The following FAM117B variants were observed in gnomAD, a reference collection of about 807,000 sequenced individuals.
The protein encoded by FAM117B is family with sequence similarity 117 member B.
FAM117B carries 22 observed loss-of-function variants against 52.8 expected under a neutral mutation model. The observed-to-expected ratio is 0.42, with a 90% CI of 0.30 to 0.59. The LOEUF (loss-of-function observed/expected upper bound fraction) is 0.59. Ranked by LOEUF, FAM117B falls within the 20% of genes least tolerant of loss-of-function variation. The probability of loss-of-function intolerance (pLI) is 0.22; values close to 1 mark genes in which losing one functional copy is unlikely to be tolerated. For missense variants in FAM117B, 678 were observed against 802.6 expected, an observed-to-expected ratio of 0.84 and a Z score of 1.88; for synonymous variants, 309 against 324.1, an observed-to-expected ratio of 0.95 and a Z score of 0.50.
At chr2:202,665,665 A>G (rs564996070) in intron 1 of FAM117B, among the ~76,000 whole-genome samples, 10 of 152,150 alleles carry the variant, frequency 6.6e-5, no homozygotes, top group East Asian at 3.9e-4. Context: ...CAGTGGTGCA[A>G]TCTCGGCTCA....
chr2:202,679,288 T>C (rs942123952), intron 1 of FAM117B, among the ~76,000 whole-genome samples: 9 of 152,150 alleles, frequency 5.9e-5, no homozygotes, highest in African/African-American at 2.2e-4. Context: ...TAGATCACAC[T>C]GTAGGCAGGG....
intron 4 of FAM117B, among the ~76,000 whole-genome samples, chr2:202,751,793 A>T (rs2105797830): frequency 1.4e-5 from 2 of 144,262 alleles, no homozygotes; most frequent in African/African-American, 5.0e-5. Flanking sequence ...AAAAAAAAAA[A>T]ATAGGTTTTG....
rs900857557 is a variant in FAM117B, at chr2:202,768,871, T to G, written c.*3107T>G. 7.2e-5 allele frequency: 11 copies of G among 152,196 alleles called. No homozygotes were observed. Among genetic ancestry groups the G allele is most frequent in the African/African-American group, 2.7e-4 (11 of 41,452 alleles). 9.4% of individuals were successfully genotyped at this position (152,196 alleles called of 1,614,324 possible). A position where few individuals can be genotyped will look rare whatever the true frequency, so the allele number is the denominator to read the frequency against. On this transcript the variant is annotated 3_prime_UTR_variant, in exon 8 of 8. Coordinates refer to ENST00000392238, the MANE Select transcript of FAM117B (RefSeq NM_173511.4). ...AAAGGAGCTATTTGGTTATTCACTT[T>G]GTCAATCTTAGGTTTTTTTAAATCT...
chr2:202,662,252 G>T lies in FAM117B; in HGVS notation c.601+26464G>T, dbSNP rs79396599. On this transcript the variant is annotated intron_variant, in intron 1 of 7. Transcript: ENST00000392238. ...TTGTGGCAGCATGGGTGAATCTGGA[G>T]GATATTATTATATTAAGTGAAATAA... 2.7e-3 allele frequency among the ~76,000 whole-genome samples: 415 copies of T among 152,060 alleles called. 13 individuals carry two copies. The East Asian group carries it at 0.07, about 26-fold the overall frequency.
intron 1 of FAM117B, among the ~76,000 whole-genome samples, chr2:202,654,496 T>C (rs1032676587): frequency 6.6e-6 from 1 of 152,150 alleles, no homozygotes; most frequent in African/African-American, 2.4e-5. Context: ...AATCTTCCCA[T>C]TGGAAATTTT....
At chr2:202,765,353 A>T (rs994483902) in intron 7 of FAM117B, 93 bp from the exon 8 acceptor site, 20 of 1,255,912 alleles carry the variant, frequency 1.6e-5, no homozygotes, top group South Asian at 7.5e-5. Flanking sequence ...AACTGTTTTT[A>T]AAAAATAAAA....
chr2:202,677,301 C>T (rs1384197048), intron 1 of FAM117B, among the ~76,000 whole-genome samples: 24 of 151,934 alleles, frequency 1.6e-4, no homozygotes, highest in Admixed American at 7.2e-4. Flanking sequence ...CTCCTGACCT[C>T]GTGATCCGCC....
intron 2 of FAM117B, among the ~76,000 whole-genome samples, chr2:202,718,578 A>T (rs796207385): frequency 1.6e-4 from 25 of 152,262 alleles, no homozygotes; most frequent in African/African-American, 5.8e-4. Flanking sequence ...ATGATTTTTT[A>T]AAAATTTTGT....
At chr2:202,648,473 C>T (rs944239318) in intron 1 of FAM117B, among the ~76,000 whole-genome samples, 1 of 151,058 alleles carries the variant, frequency 6.6e-6, no homozygotes, top group South Asian at 2.1e-4. Context: ...GCCAGGATTG[C>T]GCCACTGCAC....
At chr2:202,759,600 C>G (rs1250502838) in intron 7 of FAM117B, among the ~76,000 whole-genome samples, 1 of 150,832 alleles carries the variant, frequency 6.6e-6, no homozygotes, top group East Asian at 1.9e-4. Context: ...CTCTGACACC[C>G]AGGCTGGAGT....
chr2:202,760,480 G>A (rs1244350975), intron 7 of FAM117B, among the ~76,000 whole-genome samples: 4 of 152,078 alleles, frequency 2.6e-5, no homozygotes, highest in East Asian at 3.9e-4. Flanking sequence ...CTTTGTCTTC[G>A]CCTTTCCTTG....
chr2:202,741,068 C>T (rs771640584), intron 4 of FAM117B, among the ~76,000 whole-genome samples: 5 of 152,130 alleles, frequency 3.3e-5, no homozygotes, highest in African/African-American at 1.2e-4. Flanking sequence ...CTTCTGTTTA[C>T]ATTGTACTAG....
chr2:202,704,012 T>C (rs1417931634), intron 2 of FAM117B, among the ~76,000 whole-genome samples: 2 of 152,196 alleles, frequency 1.3e-5, no homozygotes, highest in Non-Finnish European at 2.9e-5. Context: ...GTAGGTATGT[T>C]GTGGTATGTA....
In FAM117B at chr2:202,689,640, A is replaced by G. The variant is rs953140955; in HGVS notation, c.602-6241A>G. Among the ~76,000 whole-genome samples the G allele has an allele frequency of 2.6e-5, 4 of 151,276 alleles. No individual in the cohort carries two copies. The East Asian group carries it at 7.9e-4, about 30-fold the overall frequency. Reference sequence around the variant, plus strand: ...AGCCTTTAAGACAATACCTGAGGCCAGGCACAGTGACTCACGCCTGTAATC... The same window carrying G: ...AGCCTTTAAGACAATACCTGAGGCCGGGCACAGTGACTCACGCCTGTAATC... On this transcript the variant is annotated intron_variant, in intron 1 of 7. Transcript: ENST00000392238.
At chr2:202,722,404 A>G (rs984896056) in intron 2 of FAM117B, among the ~76,000 whole-genome samples, 1 of 152,218 alleles carries the variant, frequency 6.6e-6, no homozygotes, top group African/African-American at 2.4e-5. Context: ...CACAATAGCA[A>G]CGACATGGAA....
chr2:202,714,627 G>C lies in FAM117B; in HGVS notation c.754-10290G>C, dbSNP rs1574566157. On this transcript the variant is annotated intron_variant, in intron 2 of 7. Coordinates refer to ENST00000392238, the MANE Select transcript of FAM117B (RefSeq NM_173511.4). ...GACAATAGTGGAGGGAAGGTCAGCA[G>C]ATAAACAAGTGAACAAAGGTCTCTG... Among the ~76,000 whole-genome samples, 3 of 148,068 alleles carry C rather than the reference G, an allele frequency of 2.0e-5. No individual in the cohort carries two copies. In the East Asian group the frequency reaches 5.9e-4, roughly 29 times the overall value.
chr2:202,635,995 C>G (rs1249937919), intron 1 of FAM117B, among the ~76,000 whole-genome samples: 1 of 136,696 alleles, frequency 7.3e-6, no homozygotes, highest in African/African-American at 2.7e-5. Context: ...CCGCCCGCCT[C>G]ATTCACCCCT....
chr2:202,700,194 C>G (rs1559105109), intron 2 of FAM117B, among the ~76,000 whole-genome samples: 1 of 152,244 alleles, frequency 6.6e-6, no homozygotes, highest in East Asian at 1.9e-4. Flanking sequence ...CTATTTCAAT[C>G]AAAAGCTAGA....
rs1491121882 is a variant in FAM117B, at chr2:202,766,106, A to ACACACACACC, written c.*343_*344insACACACACCC. ...CACACACACACACACACACACACACACCCCTGATCCTTGCCAACATGATTC... is the reference window on the plus strand; with the variant it reads ...CACACACACACACACACACACACACACACACACACCCCCCTGATCCTTGCCAACATGATTC... On this transcript the variant is annotated 3_prime_UTR_variant, in exon 8 of 8. Coordinates refer to ENST00000392238, the MANE Select transcript of FAM117B (RefSeq NM_173511.4). 1.2e-5 allele frequency: 2 copies of ACACACACACC among 167,640 alleles called. No individual in the cohort carries two copies. Among genetic ancestry groups the ACACACACACC allele is most frequent in the South Asian group, 1.6e-4 (1 of 6,170 alleles). 10.4% of individuals were successfully genotyped at this position (167,640 alleles called of 1,614,324 possible). A position where few individuals can be genotyped will look rare whatever the true frequency, so the allele number is the denominator to read the frequency against.
Sources: allele counts gnomAD v4.1 joint callset (sites outside exome capture counted in the v4.1 genomes callset), GRCh38; gene constraint gnomAD v4.1.1; transcripts MANE v1.5; gene names NCBI Gene and HGNC (gene_info 2026-07-23, HGNC 2026-07-21).